PALS2: variants seen among roughly 807,000 people sequenced by gnomAD.
The protein encoded by PALS2 is protein PALS2.
PALS2 carries 27 observed loss-of-function variants against 61.6 expected under a neutral mutation model. The ratio of observed to expected loss-of-function variants is 0.44; its 90% CI spans 0.32 to 0.60. The LOEUF (loss-of-function observed/expected upper bound fraction) is 0.60, where lower values mean the gene tolerates loss of function less well. PALS2 is among the 20% of genes least tolerant of loss of function. The pLI is 0.05. For missense variants in PALS2, 554 were observed against 639.4 expected (o/e 0.87, Z 1.44); for synonymous variants, 236 against 218.6 (o/e 1.08, Z -0.70).
chr7:24,653,662 A>G (rs996213941), intron 5 of PALS2, among the ~76,000 whole-genome samples: 1 of 152,226 alleles, frequency 6.6e-6, no homozygotes, highest in African/African-American at 2.4e-5. Context: ...TACAGCAAAC[A>G]TTATCTGTTA....
intron 5 of PALS2, among the ~76,000 whole-genome samples, chr7:24,659,721 A>G (rs1786616487): frequency 6.6e-6 from 1 of 152,192 alleles, no homozygotes; most frequent in African/African-American, 2.4e-5. Flanking sequence ...TACAACTTCT[A>G]TATATAGTTC....
intron 2 of PALS2, among the ~76,000 whole-genome samples, chr7:24,632,900 TA>T (rs149716286): frequency 0.016 from 2,445 of 149,454 alleles, 80 homozygotes; most frequent in African/African-American, 0.057. Flanking sequence ...TGTTAGACTT[TA>T]AAAAAAAAAC....
intron 1 of PALS2, among the ~76,000 whole-genome samples, chr7:24,588,439 T>G (rs1366335717): frequency 6.6e-6 from 1 of 152,210 alleles, no homozygotes; most frequent in East Asian, 1.9e-4. Flanking sequence ...CATCACTCTA[T>G]TTTTAAATAA....
intron 10 of PALS2, among the ~76,000 whole-genome samples, chr7:24,679,767 A>C (rs1787819520): frequency 6.6e-6 from 1 of 151,758 alleles, no homozygotes; most frequent in Non-Finnish European, 1.5e-5. Context: ...ACCCCTTCCC[A>C]CTCCGCTACA....
intron 1 of PALS2, among the ~76,000 whole-genome samples, chr7:24,607,623 G>A (rs1583866338): frequency 6.9e-6 from 1 of 144,216 alleles, no homozygotes; most frequent in African/African-American, 2.6e-5. Flanking sequence ...ATATATGTGT[G>A]TATATATACA....
intron 2 of PALS2, among the ~76,000 whole-genome samples, chr7:24,640,738 G>A (rs569431206): frequency 2.7e-4 from 41 of 152,068 alleles, no homozygotes; most frequent in Non-Finnish European, 5.0e-4. Flanking sequence ...GCCGAGGGCG[G>A]TGGCTCATGC....
intron 6 of PALS2, among the ~76,000 whole-genome samples, chr7:24,664,529 C>T (rs1644862299): frequency 6.6e-6 from 1 of 152,100 alleles, no homozygotes; most frequent in South Asian, 2.1e-4. Context: ...GACTTAGCAC[C>T]AAATTCTAAA....
At chr7:24,678,085 T>G (rs146951333) in intron 9 of PALS2, among the ~76,000 whole-genome samples, 115 of 152,310 alleles carry the variant, frequency 7.6e-4, no homozygotes, top group African/African-American at 2.6e-3. Context: ...ACTTCTTATA[T>G]CCGATCCAGC....
intron 3 of PALS2, among the ~76,000 whole-genome samples, chr7:24,642,337 G>A (rs1785599921): frequency 6.6e-6 from 1 of 152,116 alleles, no homozygotes; most frequent in Non-Finnish European, 1.5e-5. Flanking sequence ...ACAGAAATAA[G>A]TATGATTTTA....
intron 2 of PALS2, among the ~76,000 whole-genome samples, chr7:24,626,284 C>G (rs1421595557): frequency 6.6e-6 from 1 of 151,570 alleles, no homozygotes; most frequent in Non-Finnish European, 1.5e-5. Context: ...TTAGAAAATA[C>G]TCAAGCAAAA....
At chr7:24,579,230 G>A (rs1385429279) in intron 1 of PALS2, among the ~76,000 whole-genome samples, 1 of 152,174 alleles carries the variant, frequency 6.6e-6, no homozygotes, top group Non-Finnish European at 1.5e-5. Context: ...ATGAGATACT[G>A]TTTCACCTAC....
At chr7:24,634,065 T>C (rs1785128116) in intron 2 of PALS2, among the ~76,000 whole-genome samples, 1 of 152,012 alleles carries the variant, frequency 6.6e-6, no homozygotes, top group African/African-American at 2.4e-5. Context: ...CATGTTTAAA[T>C]TGAGTCATAT....
chr7:24,583,570 A>G (rs1456199389), intron 1 of PALS2, among the ~76,000 whole-genome samples: 1 of 151,996 alleles, frequency 6.6e-6, no homozygotes, highest in East Asian at 1.9e-4. Flanking sequence ...CTGCCCCCAA[A>G]TAAAGTGGTT....
intron 1 of PALS2, among the ~76,000 whole-genome samples, chr7:24,612,210 C>A (rs1784139658): frequency 6.6e-6 from 1 of 151,902 alleles, no homozygotes; most frequent in African/African-American, 2.4e-5. Context: ...CTCAGGTAGT[C>A]AATCTAACAT....
intron 1 of PALS2, among the ~76,000 whole-genome samples, chr7:24,616,469 A>T (rs1344810746): frequency 6.6e-6 from 1 of 152,154 alleles, no homozygotes; most frequent in Non-Finnish European, 1.5e-5. Flanking sequence ...AGTCTGTTTT[A>T]TCTGAAATGA....
intron 1 of PALS2, among the ~76,000 whole-genome samples, chr7:24,610,463 CT>C (rs1464557235): frequency 6.6e-6 from 1 of 152,134 alleles, no homozygotes; most frequent in Admixed American, 6.6e-5. Context: ...TAGCGTCTAG[CT>C]GTGAGTAAAT....
chr7:24,624,511 C>T (rs12530888), intron 2 of PALS2, among the ~76,000 whole-genome samples: 22,764 of 151,464 alleles, frequency 0.15, 1,750 homozygotes, highest in Non-Finnish European at 0.17. Flanking sequence ...TTTTTCTTAG[C>T]CAAAGTCTGT....
chr7:24,674,089 T>C (rs946712002), intron 9 of PALS2, among the ~76,000 whole-genome samples: 1 of 152,112 alleles, frequency 6.6e-6, no homozygotes, highest in Non-Finnish European at 1.5e-5. Flanking sequence ...TATGCAACTA[T>C]GCAACACAGA....
At chr7:24,609,854 C>T (rs1784051683) in intron 1 of PALS2, among the ~76,000 whole-genome samples, 1 of 152,106 alleles carries the variant, frequency 6.6e-6, no homozygotes, top group South Asian at 2.1e-4. Context: ...AATGACTGCC[C>T]CTCCACTGTG....
Sources: gnomAD v4.1 joint callset for allele counts (sites outside exome capture counted in the v4.1 genomes callset) on GRCh38, gnomAD v4.1.1 for gene constraint, MANE v1.5 for transcripts, NCBI Gene and HGNC (gene_info 2026-07-23, HGNC 2026-07-21) for gene names.